The following PRKD1 variants were observed in gnomAD, a reference collection of about 807,000 sequenced individuals.
PRKD1 encodes the protein serine/threonine-protein kinase D1.
In PRKD1, 63 loss-of-function variants were observed where a neutral mutation model predicts 95.9. The observed-to-expected ratio is 0.66, with a 90% CI of 0.54 to 0.81. PRKD1 has a LOEUF of 0.81. Among genes scored for constraint, PRKD1 ranks in the 30% least tolerant of loss-of-function variants. PRKD1 has a pLI of 0.00. For synonymous variants in PRKD1, 425 were observed against 423.1 expected (o/e 1.00, Z -0.05); for missense variants, 1,048 against 1,165.3 (o/e 0.90, Z 1.47).
intron 1 of PRKD1, among the ~76,000 whole-genome samples, chr14:29,874,294 G>A (rs1893211178): frequency 6.6e-6 from 1 of 152,172 alleles, no homozygotes; most frequent in Non-Finnish European, 1.5e-5. Context: ...TCTTATCCCA[G>A]TTAGAATGGC....
intron 4 of PRKD1, 38 bp downstream of exon 4, chr14:29,663,661 T>A: frequency 6.2e-7 from 1 of 1,600,932 alleles, no homozygotes; most frequent in Middle Eastern, 1.7e-4. Flanking sequence ...CACAGATTTC[T>A]CATGTAAATG....
intron 1 of PRKD1, among the ~76,000 whole-genome samples, chr14:29,743,504 T>C (rs746713305): frequency 7.9e-5 from 12 of 152,166 alleles, no homozygotes; most frequent in Non-Finnish European, 1.0e-4. Context: ...TCTAAATTCA[T>C]AGAACATAAA....
At position 29,595,243 on chromosome 14, in the gene PRKD1, T is replaced by A. The variant is rs11628316; in HGVS notation, c.2434+2248A>T. 5.1e-3 allele frequency among the ~76,000 whole-genome samples: 773 copies of A among 152,312 alleles called. 2 individuals are homozygous for A. The highest frequency in any genetic ancestry group is 7.2e-3 in the Non-Finnish European group (491 of 68,024). The stretch of plus-strand genomic sequence containing the variant: ...ATGCCTTTTGAATTATCCTGTATAA[T>A]TCCCTCTTGCTAAAATGCTATGTCT... On this transcript the variant is annotated intron_variant, in intron 16 of 17. Coordinates refer to ENST00000331968, the MANE Select transcript of PRKD1 (RefSeq NM_002742.3).
intron 2 of PRKD1, among the ~76,000 whole-genome samples, chr14:29,705,689 T>C (rs1885051783): frequency 6.6e-6 from 1 of 152,080 alleles, no homozygotes; most frequent in Non-Finnish European, 1.5e-5. Flanking sequence ...GTTTGTATGG[T>C]TGTACTGATT....
At chr14:29,854,120 A>G (rs1422036438) in intron 1 of PRKD1, among the ~76,000 whole-genome samples, 1 of 152,160 alleles carries the variant, frequency 6.6e-6, no homozygotes, top group South Asian at 2.1e-4. Flanking sequence ...AGACTAATAA[A>G]GTAAATTGGA....
At chr14:29,802,316 A>G (rs45451893) in intron 1 of PRKD1, among the ~76,000 whole-genome samples, 3,033 of 152,334 alleles carry the variant, frequency 0.02, 106 homozygotes, top group Admixed American at 0.087. Flanking sequence ...TAAGAAAGGA[A>G]GAAGACAATA....
chr14:29,911,576 T>C (rs1302979966), intron 1 of PRKD1, among the ~76,000 whole-genome samples: 2 of 152,194 alleles, frequency 1.3e-5, no homozygotes, highest in Admixed American at 1.3e-4. Flanking sequence ...CATATTTGCT[T>C]ACAGAAAAAA....
chr14:29,806,958 T>C (rs1050791660), intron 1 of PRKD1, among the ~76,000 whole-genome samples: 1 of 152,152 alleles, frequency 6.6e-6, no homozygotes, highest in Non-Finnish European at 1.5e-5. Context: ...GGTTTCTCAA[T>C]GCATATAAAA....
Position 29,663,732 on chromosome 14 carries a change from T to C in PRKD1, c.663A>G (p.Glu221=), listed in dbSNP as rs747754351. 1.1e-5 allele frequency: 18 copies of C among 1,613,506 alleles called. No individual in the cohort carries two copies. Among genetic ancestry groups the C allele is most frequent in the East Asian group, 2.2e-5 (1 of 44,844 alleles). Residue 221 remains glutamate, a synonymous_variant, in exon 4 of 18, where the codon GAA becomes GAG. Coordinates refer to ENST00000331968, the MANE Select transcript of PRKD1 (RefSeq NM_002742.3). ...GCTCATCAGGGGCACTTGTAGAGAG[T>C]TCAGCAGATGATGTGCGGATGGTGC... ...GVSTIRTSSA[E]LSTSAPDEPL...
At chr14:29,673,686 C>T (rs1882995441) in intron 2 of PRKD1, among the ~76,000 whole-genome samples, 1 of 152,206 alleles carries the variant, frequency 6.6e-6, no homozygotes, top group African/African-American at 2.4e-5. Flanking sequence ...CCCTGCAGTT[C>T]TAAGGCTCTA....
intron 1 of PRKD1, among the ~76,000 whole-genome samples, chr14:29,743,375 T>A (rs1205189168): frequency 6.6e-6 from 1 of 151,958 alleles, no homozygotes; most frequent in Non-Finnish European, 1.5e-5. Flanking sequence ...TATATAAAAA[T>A]TAAAACTGAA....
At chr14:29,595,841 A>AT (rs1167320576) in intron 16 of PRKD1, among the ~76,000 whole-genome samples, 2 of 152,170 alleles carry the variant, frequency 1.3e-5, no homozygotes, top group Non-Finnish European at 2.9e-5. Flanking sequence ...GGATCAAGTT[A>AT]TTTTACTGGA....
Position 29,895,705 on chromosome 14 carries a change from G to C in PRKD1, c.264+31544C>G, listed in dbSNP as rs117188828. Among the ~76,000 whole-genome samples the C allele has an allele frequency of 5.6e-3, 852 of 152,182 alleles. 10 individuals carry two copies. Among genetic ancestry groups the C allele is most frequent in the Middle Eastern group, 0.034 (10 of 294 alleles). Reference sequence around the variant, plus strand: ...CGCTGCTGTCCTGCAAGCACTTTAGGACTTTTGCACTGACTGTTCTTTCTG... The same window carrying C: ...CGCTGCTGTCCTGCAAGCACTTTAGCACTTTTGCACTGACTGTTCTTTCTG... On this transcript the variant is annotated intron_variant, in intron 1 of 17. Coordinates refer to ENST00000331968, the MANE Select transcript of PRKD1 (RefSeq NM_002742.3).
At chr14:29,675,683 C>T (rs547900670) in intron 2 of PRKD1, among the ~76,000 whole-genome samples, 6 of 152,074 alleles carry the variant, frequency 3.9e-5, no homozygotes, top group East Asian at 1.9e-4. Context: ...TGCACACGTA[C>T]GTTTATTGTG....
At chr14:29,752,034 T>C (rs2139462212) in intron 1 of PRKD1, among the ~76,000 whole-genome samples, 1 of 152,332 alleles carries the variant, frequency 6.6e-6, no homozygotes, top group African/African-American at 2.4e-5. Flanking sequence ...TTCCTTTTCA[T>C]CTTACTTCTT....
At chr14:29,868,179 T>C (rs995509546) in intron 1 of PRKD1, among the ~76,000 whole-genome samples, 2 of 152,112 alleles carry the variant, frequency 1.3e-5, no homozygotes, top group African/African-American at 4.8e-5. Context: ...GTGTGTGTAA[T>C]GTATATGTTC....
chr14:29,718,315 G>T (rs1376581435), intron 2 of PRKD1, among the ~76,000 whole-genome samples: 1 of 152,060 alleles, frequency 6.6e-6, no homozygotes, highest in Non-Finnish European at 1.5e-5. Context: ...TTTTCCCTGA[G>T]CTCTCACAGG....
At chr14:29,800,687 A>G (rs1425343451) in intron 1 of PRKD1, among the ~76,000 whole-genome samples, 1 of 152,168 alleles carries the variant, frequency 6.6e-6, no homozygotes. Context: ...AGGAAAAAAA[A>G]TGTGTGTTTT....
At chr14:29,778,744 T>C (rs1888893625) in intron 1 of PRKD1, among the ~76,000 whole-genome samples, 1 of 152,170 alleles carries the variant, frequency 6.6e-6, no homozygotes, top group Admixed American at 6.6e-5. Context: ...TCTGAAATGA[T>C]TCCAATTGAT....
Sources: gnomAD v4.1 joint callset for allele counts (sites outside exome capture counted in the v4.1 genomes callset) on GRCh38, gnomAD v4.1.1 for gene constraint, MANE v1.5 for transcripts, NCBI Gene and HGNC (gene_info 2026-07-23, HGNC 2026-07-21) for gene names.